The following SEPTIN9 variants were observed in gnomAD, a reference collection of about 807,000 sequenced individuals.
The protein encoded by SEPTIN9 is septin 9, also known as septin-9.
SEPTIN9 carries 13 observed loss-of-function variants against 56.6 expected under a neutral mutation model. The observed-to-expected ratio is 0.23, with a 90% CI of 0.15 to 0.37. The LOEUF (loss-of-function observed/expected upper bound fraction) is 0.37. Among genes scored for constraint, SEPTIN9 ranks in the 10% least tolerant of loss-of-function variants. The pLI is 1.00. For missense variants in SEPTIN9, 650 were observed against 823.1 expected (o/e 0.79, Z 2.57); for synonymous variants, 332 against 334.1 (o/e 0.99, Z 0.07).
rs374372909 is a variant in SEPTIN9, at chr17:77,320,293, G to A, written c.76+13096G>A. The A allele has an allele frequency of 1.7e-5, 27 of 1,611,970 alleles. No homozygotes were observed. The Middle Eastern group carries it at 5.6e-4, about 33-fold the overall frequency. Reference sequence around the variant, plus strand: ...GGAGGCCGCCTCTGAGCGGGACGCCGGGACTCCCGCCGCTGCTAAATATAT... The same window carrying A: ...GGAGGCCGCCTCTGAGCGGGACGCCAGGACTCCCGCCGCTGCTAAATATAT... On this transcript the variant is annotated intron_variant, in intron 2 of 11. Transcript: ENST00000427177.
intron 2 of SEPTIN9, among the ~76,000 whole-genome samples, chr17:77,325,808 C>G (rs1163612157): frequency 6.6e-6 from 1 of 152,160 alleles, no homozygotes; most frequent in Non-Finnish European, 1.5e-5. Flanking sequence ...CCCTCATGAT[C>G]TGGACACAAG....
chr17:77,331,022 C>T (rs2033327545), intron 2 of SEPTIN9, among the ~76,000 whole-genome samples: 1 of 152,152 alleles, frequency 6.6e-6, no homozygotes, highest in African/African-American at 2.4e-5. Flanking sequence ...CCCTGCTGCT[C>T]ACAGAGGGAT....
At chr17:77,467,099 G>A (rs1304251976) in intron 3 of SEPTIN9, among the ~76,000 whole-genome samples, 3 of 152,228 alleles carry the variant, frequency 2.0e-5, no homozygotes, top group South Asian at 2.1e-4. Context: ...GCCATGTCAC[G>A]TCAGGCTTTT....
At chr17:77,412,129 CAAAAAAAAAA>C (rs756030644) in intron 3 of SEPTIN9, among the ~76,000 whole-genome samples, 6 of 67,394 alleles carry the variant, frequency 8.9e-5, no homozygotes, top group South Asian at 4.3e-4. Flanking sequence ...GACTCCCTAT[CAAAAAAAAAA>C]AAAAAAAAAA....
chr17:77,488,990 C>CGCCA, intron 7 of SEPTIN9, 126 bp downstream of exon 7: 1 of 1,246,524 alleles, frequency 8.0e-7, no homozygotes, highest in Non-Finnish European at 1.1e-6. Context: ...GGGCCATGGC[C>CGCCA]GCCAGCTATG....
intron 2 of SEPTIN9, among the ~76,000 whole-genome samples, chr17:77,383,007 G>A (rs2143978518): frequency 6.6e-6 from 1 of 152,224 alleles, no homozygotes; most frequent in South Asian, 2.1e-4. Flanking sequence ...AGCCCTGGCT[G>A]TGGCCACAGC....
In SEPTIN9 at chr17:77,429,325, G is replaced by C; in HGVS notation, c.721+26622G>C. 2 of 466,920 alleles carry C rather than the reference G, an allele frequency of 4.3e-6. No homozygotes were observed. Among genetic ancestry groups the C allele is most frequent in the Non-Finnish European group, 8.9e-6 (2 of 223,776 alleles). 28.9% of individuals were successfully genotyped at this position (466,920 alleles called of 1,614,324 possible). On this transcript the variant is annotated intron_variant, in intron 3 of 11. Transcript: ENST00000427177. The surrounding 1 kb of genome is among the most constrained non-coding windows in gnomAD (Gnocchi z 5.2). ...AGGCCTCCTGCCCTCGCCACGACTG[G>C]CTCCTGCAGCCCACCTGGCTGAGAG... is the stretch of plus-strand genomic sequence containing the variant.
chr17:77,441,626 C>T (rs1227803088), intron 3 of SEPTIN9, among the ~76,000 whole-genome samples: 1 of 152,216 alleles, frequency 6.6e-6, no homozygotes, highest in African/African-American at 2.4e-5. Context: ...CCGCTTGTCT[C>T]CCAAGCCACC....
intron 2 of SEPTIN9, chr17:77,373,731 C>G: frequency 3.2e-6 from 4 of 1,266,202 alleles, no homozygotes; most frequent in South Asian, 1.9e-5. Flanking sequence ...GTGCCCGCGC[C>G]GCCTACGTGG....
rs375608110 is a variant in SEPTIN9, at chr17:77,331,890, CTTTTA to C, written c.76+24703_76+24707del. ...GAAAGGGGGTGGTCTCCTGCCATCT[CTTTTA>C]TTTTATTTTTCCTATTTTTGGTTGA... On this transcript the variant is annotated intron_variant, in intron 2 of 11. Coordinates refer to ENST00000427177, the MANE Select transcript of SEPTIN9 (RefSeq NM_001113491.2). Among the ~76,000 whole-genome samples the C allele has an allele frequency of 6.6e-4, 101 of 152,260 alleles. 3 individuals are homozygous for C. In the South Asian group the frequency reaches 0.014, roughly 20 times the overall value.
rs1028922399 is a variant in SEPTIN9, at chr17:77,400,894, TGG to T, written c.77-1164_77-1163del. 2.0e-5 allele frequency among the ~76,000 whole-genome samples: 3 copies of T among 151,902 alleles called. No individual in the cohort carries two copies. The highest frequency in any genetic ancestry group is 4.4e-5 in the Non-Finnish European group (3 of 67,990). On this transcript the variant is annotated intron_variant, in intron 2 of 11. Transcript: ENST00000427177. The surrounding 1 kb of genome is among the most constrained non-coding windows in gnomAD (Gnocchi z 4.1). ...AGTGCGGTTGTGGGGACTGTGGAGG[TGG>T]CAGCTTCCCAGGTACCATCCCCACT...
At chr17:77,344,542 C>G (rs2033829414) in intron 2 of SEPTIN9, among the ~76,000 whole-genome samples, 1 of 152,246 alleles carries the variant, frequency 6.6e-6, no homozygotes, top group African/African-American at 2.4e-5. Flanking sequence ...GGGACTTGAA[C>G]AGGTGTGCTA....
intron 2 of SEPTIN9, among the ~76,000 whole-genome samples, chr17:77,387,492 A>G (rs1015593523): frequency 4.6e-5 from 7 of 152,172 alleles, no homozygotes; most frequent in African/African-American, 1.7e-4. Flanking sequence ...GTCACTATTC[A>G]GTCCACTGCG....
rs903713415 is a variant in SEPTIN9 at position 77,317,237 on chromosome 17, G to C, written c.76+10040G>C. Among the ~76,000 whole-genome samples the C allele has an allele frequency of 6.6e-6, 1 of 152,180 alleles. No individual in the cohort carries two copies. Among genetic ancestry groups the C allele is most frequent in the African/African-American group, 2.4e-5 (1 of 41,428 alleles). ...TCTGCAGGCCACACATCCGAGATCAGGGTCACCAGGCTGAAATCAGGGTGT... is the reference window on the plus strand; with the variant it reads ...TCTGCAGGCCACACATCCGAGATCACGGTCACCAGGCTGAAATCAGGGTGT... On this transcript the variant is annotated intron_variant, in intron 2 of 11. Coordinates refer to ENST00000427177, the MANE Select transcript of SEPTIN9 (RefSeq NM_001113491.2). This position sits in a 1 kb window ranked among gnomAD's most constrained non-coding sequence, Gnocchi z 4.2.
intron 2 of SEPTIN9, among the ~76,000 whole-genome samples, chr17:77,358,695 C>A (rs996265319): frequency 6.6e-6 from 1 of 152,132 alleles, no homozygotes; most frequent in Non-Finnish European, 1.5e-5. Context: ...CCAAAACCAA[C>A]CCACAAAATA....
chr17:77,383,433 C>T (rs549545135), intron 2 of SEPTIN9, among the ~76,000 whole-genome samples: 6 of 152,094 alleles, frequency 3.9e-5, no homozygotes, highest in East Asian at 3.9e-4. Flanking sequence ...GCTGGAAGGC[C>T]GGCCCGGGTC....
intron 2 of SEPTIN9, among the ~76,000 whole-genome samples, chr17:77,325,780 G>A (rs1321911276): frequency 6.6e-6 from 1 of 152,160 alleles, no homozygotes; most frequent in Non-Finnish European, 1.5e-5. Context: ...GTTTGGAGGT[G>A]GTCATCCCTG....
intron 3 of SEPTIN9, among the ~76,000 whole-genome samples, chr17:77,408,819 TG>T (rs1162194384): frequency 6.6e-6 from 1 of 152,126 alleles, no homozygotes; most frequent in African/African-American, 2.4e-5. Flanking sequence ...GCCCAGCTTC[TG>T]GCCCCGTGTT....
At position 77,434,410 on chromosome 17, in the gene SEPTIN9, T is replaced by C. The variant is rs1328177148; in HGVS notation, c.721+31707T>C. ...GGCTGAGGCTGCGGTGAGGTCTCCA[T>C]GGCTCCCTCGTCCTGCACATCCTTC... On this transcript the variant is annotated intron_variant, in intron 3 of 11. Coordinates refer to ENST00000427177, the MANE Select transcript of SEPTIN9 (RefSeq NM_001113491.2). The surrounding 1 kb of genome is among the most constrained non-coding windows in gnomAD (Gnocchi z 5.0). Among the ~76,000 whole-genome samples, 2 of 152,204 alleles carry C rather than the reference T, an allele frequency of 1.3e-5. No homozygotes were observed. Among genetic ancestry groups the C allele is most frequent in the Non-Finnish European group, 2.9e-5 (2 of 68,014 alleles).
Sources: allele counts gnomAD v4.1 joint callset (sites outside exome capture counted in the v4.1 genomes callset), GRCh38; gene constraint gnomAD v4.1.1; non-coding constraint Gnocchi (gnomAD v3.1); transcripts MANE v1.5; gene names NCBI Gene and HGNC (gene_info 2026-07-23, HGNC 2026-07-21).